CWC27: variants seen among roughly 807,000 people sequenced by gnomAD.
CWC27 encodes spliceosome-associated protein CWC27 homolog.
Under a neutral mutation model 63.6 loss-of-function variants are expected in CWC27, and 47 were observed. The ratio of observed to expected loss-of-function variants is 0.74; its 90% CI spans 0.58 to 0.94. The LOEUF is 0.94. CWC27 is among the 40% of genes least tolerant of loss of function. The pLI, the probability that CWC27 is intolerant of heterozygous loss-of-function variation, is 0.00. For missense variants in CWC27, 495 were observed against 554.3 expected (o/e 0.89, Z 1.07); for synonymous variants, 175 against 179.8 (o/e 0.97, Z 0.22).
At chr5:64,896,404 TGAAG>T (rs1412645895) in intron 11 of CWC27, among the ~76,000 whole-genome samples, 1 of 152,066 alleles carries the variant, frequency 6.6e-6, no homozygotes, top group Admixed American at 6.6e-5. Context: ...AAATAAATAT[TGAAG>T]GAATAAAACA....
At chr5:64,916,556 T>C (rs1747890443) in intron 11 of CWC27, among the ~76,000 whole-genome samples, 1 of 152,168 alleles carries the variant, frequency 6.6e-6, no homozygotes, top group Non-Finnish European at 1.5e-5. Flanking sequence ...GAGCCTTCAG[T>C]GCAGAAACTC....
chr5:64,808,324 A>C, intron 10 of CWC27: 1 of 989,178 alleles, frequency 1.0e-6, no homozygotes, highest in Non-Finnish European at 1.2e-6. Flanking sequence ...GCAAGTTGTC[A>C]GCAAGTTGGT....
At chr5:64,942,922 G>C (rs1057410194) in intron 11 of CWC27, among the ~76,000 whole-genome samples, 2 of 152,176 alleles carry the variant, frequency 1.3e-5, no homozygotes, top group Non-Finnish European at 2.9e-5. Context: ...GAGGCTCATT[G>C]TACTCAGGTA....
At chr5:64,912,566 A>G (rs1747813346) in intron 11 of CWC27, among the ~76,000 whole-genome samples, 1 of 152,212 alleles carries the variant, frequency 6.6e-6, no homozygotes, top group South Asian at 2.1e-4. Flanking sequence ...AAAAAAATGC[A>G]TGTAGTGTAG....
intron 10 of CWC27, among the ~76,000 whole-genome samples, chr5:64,862,116 A>G (rs1016895542): frequency 5.3e-5 from 8 of 152,206 alleles, no homozygotes; most frequent in Admixed American, 5.2e-4. Context: ...AATTTAAGTC[A>G]CAAATGAATA....
intron 10 of CWC27, among the ~76,000 whole-genome samples, chr5:64,865,429 A>G (rs554690128): frequency 1.3e-5 from 2 of 152,214 alleles, no homozygotes; most frequent in African/African-American, 4.8e-5. Flanking sequence ...TGGTATAAAT[A>G]TATAAAGGGA....
At chr5:65,011,591 G>T (rs971180991) in intron 13 of CWC27, among the ~76,000 whole-genome samples, 1 of 152,238 alleles carries the variant, frequency 6.6e-6, no homozygotes, top group African/African-American at 2.4e-5. Flanking sequence ...GGAAGCAAAA[G>T]CCAGATTATA....
rs201232840 is a variant in CWC27 at position 64,774,769 on chromosome 5, A to G, written c.121A>G (p.Ile41Val). The G allele has an allele frequency of 2.1e-4, 334 of 1,589,550 alleles. No individual in the cohort carries two copies. The highest frequency in any genetic ancestry group is 2.7e-4 in the Non-Finnish European group (317 of 1,169,106). ...KEAPKACRNF[I>V]QLCLEAYYDN... is the part of the protein sequence containing the mutation. ...AGCTCCTAAAGCTTGCAGAAATTTT[A>G]TCCAACTTTGTTTGGAAGGTATGTT... The change falls in exon 2 of 14, where the codon ATC (isoleucine) becomes GTC (valine). Residue 41 changes from isoleucine (I) to valine (V), a missense_variant. This residue lies in a region of CWC27 where 463 missense variants were observed against 498.1 expected (regional missense o/e 0.93). Coordinates refer to ENST00000381070, the MANE Select transcript of CWC27 (RefSeq NM_005869.4).
intron 3 of CWC27, among the ~76,000 whole-genome samples, chr5:64,783,529 C>T (rs1223596572): frequency 6.6e-6 from 1 of 152,184 alleles, no homozygotes; most frequent in East Asian, 1.9e-4. Context: ...AAAAGCATAG[C>T]TGACTTTGGG....
At chr5:64,843,097 A>G (rs1745887124) in intron 10 of CWC27, among the ~76,000 whole-genome samples, 1 of 152,252 alleles carries the variant, frequency 6.6e-6, no homozygotes, top group Admixed American at 6.5e-5. Context: ...GTGTTTTTCT[A>G]AAATGATATT....
chr5:64,875,423 T>C (rs1018116584), intron 10 of CWC27, among the ~76,000 whole-genome samples: 5 of 152,166 alleles, frequency 3.3e-5, no homozygotes, highest in Non-Finnish European at 7.4e-5. Context: ...AGATTAAATG[T>C]TATCTTTTGA....
intron 10 of CWC27, among the ~76,000 whole-genome samples, chr5:64,830,431 G>T (rs1745488211): frequency 6.6e-6 from 1 of 152,210 alleles, no homozygotes; most frequent in Non-Finnish European, 1.5e-5. Flanking sequence ...ATTAATTCAA[G>T]ATGGATTAAA....
chr5:64,908,968 C>T (rs1428903853), intron 11 of CWC27, among the ~76,000 whole-genome samples: 1 of 152,162 alleles, frequency 6.6e-6, no homozygotes, highest in Non-Finnish European at 1.5e-5. Flanking sequence ...GATGCAGTTT[C>T]TTTCTAGCAT....
intron 4 of CWC27, 132 bp downstream of exon 4, chr5:64,784,111 AT>A (rs1165909005): frequency 1.3e-6 from 1 of 791,474 alleles, no homozygotes. Flanking sequence ...TATGTTTATT[AT>A]TTTCAAAAAT....
At chr5:64,974,538 T>C (rs1749190768) in intron 12 of CWC27, among the ~76,000 whole-genome samples, 1 of 152,148 alleles carries the variant, frequency 6.6e-6, no homozygotes, top group Admixed American at 6.5e-5. Flanking sequence ...CATGATTCAA[T>C]TACCTCCCAC....
At chr5:64,882,489 G>C (rs1746963744) in intron 10 of CWC27, among the ~76,000 whole-genome samples, 1 of 152,194 alleles carries the variant, frequency 6.6e-6, no homozygotes, top group African/African-American at 2.4e-5. Context: ...ACAAAAGAGA[G>C]TGTTGAATAT....
intron 9 of CWC27, among the ~76,000 whole-genome samples, chr5:64,803,112 A>G (rs1744543493): frequency 6.6e-6 from 1 of 152,140 alleles, no homozygotes; most frequent in African/African-American, 2.4e-5. Flanking sequence ...TAAGTCTGCA[A>G]TGAGGGCTAG....
chr5:64,815,844 C>T (rs182253888), intron 10 of CWC27, among the ~76,000 whole-genome samples: 1 of 152,236 alleles, frequency 6.6e-6, no homozygotes, highest in East Asian at 1.9e-4. Flanking sequence ...ACTTCATATA[C>T]ATACAACATT....
At chr5:64,772,936 C>CAAA (rs111700463) in intron 1 of CWC27, among the ~76,000 whole-genome samples, 1 of 119,772 alleles carries the variant, frequency 8.3e-6, no homozygotes, top group Non-Finnish European at 1.8e-5. Context: ...GACTCTGTCT[C>CAAA]AAAAAAAAAA....
Sources: gnomAD v4.1 joint callset for allele counts (sites outside exome capture counted in the v4.1 genomes callset) on GRCh38, gnomAD v4.1.1 for gene constraint, gnomAD v4.1.1 regional missense constraint, MANE v1.5 for transcripts, NCBI Gene and HGNC (gene_info 2026-07-23, HGNC 2026-07-21) for gene names.